Variants in MID2 observed in about 807,000 individuals in gnomAD.
The protein encoded by MID2 is midline 2, also known as probable E3 ubiquitin-protein ligase MID2.
A neutral mutation model predicts 46.1 loss-of-function variants in MID2; 13 were observed. The observed-to-expected ratio is 0.28, with a 90% confidence interval of 0.18 to 0.45. The LOEUF is 0.45. Ranked by LOEUF, MID2 falls within the 20% of genes least tolerant of loss-of-function variation. The pLI, the probability that MID2 is intolerant of heterozygous loss-of-function variation, is 1.00. For missense variants in MID2, 431 were observed against 575.4 expected, an observed-to-expected ratio of 0.75 and a Z score of 2.57; for synonymous variants, 199 against 212.3, an observed-to-expected ratio of 0.94 and a Z score of 0.55.
chrX:107,859,105 T>C (rs926015202), intron 3 of MID2, among the ~76,000 whole-genome samples: 1 of 111,969 alleles, frequency 8.9e-6, no homozygotes, highest in Non-Finnish European at 1.9e-5. Context: ...TTTCTGCTCG[T>C]ATTGCCCATT....
rs764855512 is a variant in MID2 at position 107,911,274 on chromosome X, T to TG, written c.1074-4728_1074-4727insG. Among the ~76,000 whole-genome samples, 3 of 111,795 alleles carry TG rather than the reference T, an allele frequency of 2.7e-5. No individual in the cohort carries two copies. In the East Asian group the frequency reaches 8.5e-4, roughly 32 times the overall value. ...ATTATTTGCTAATAATTTCCTCCCC[T>TG]TTATTCTTTCTCTTCTTTGTTTATG... is the stretch of plus-strand genomic sequence containing the variant. On this transcript the variant is annotated intron_variant, in intron 5 of 9. Transcript: ENST00000262843.
chrX:107,853,803 A>G (rs1240534466), intron 2 of MID2, among the ~76,000 whole-genome samples: 1 of 111,891 alleles, frequency 8.9e-6, no homozygotes, highest in Non-Finnish European at 1.9e-5. Flanking sequence ...GTCATGGAAT[A>G]CTGCAGCAAA....
chrX:107,909,856 G>A (rs1932870103), intron 5 of MID2, among the ~76,000 whole-genome samples: 1 of 111,878 alleles, frequency 8.9e-6, no homozygotes, highest in African/African-American at 3.2e-5. Context: ...TTAAAATCCA[G>A]AAGCTTAAAC....
At chrX:107,871,726 A>G (rs5962906) in intron 3 of MID2, among the ~76,000 whole-genome samples, 32,979 of 109,906 alleles carry the variant, frequency 0.3, 6,904 homozygotes, top group African/African-American at 0.75. Flanking sequence ...AGCTGTCCCC[A>G]GCTGGACTCC....
chrX:107,826,132 G>C lies in MID2; in HGVS notation c.-295G>C. The C allele has an allele frequency of 3.4e-6, 1 of 297,301 alleles. No individual in the cohort carries two copies. Among genetic ancestry groups the C allele is most frequent in the Non-Finnish European group, 5.9e-6 (1 of 170,235 alleles). 24.5% of individuals were successfully genotyped at this position (297,301 alleles called of 1,213,427 possible). A position where few individuals can be genotyped will look rare whatever the true frequency, so the allele number is the denominator to read the frequency against. On this transcript the variant is annotated 5_prime_UTR_variant, in exon 1 of 10. Coordinates refer to ENST00000262843, the MANE Select transcript of MID2 (RefSeq NM_012216.4). ...CCGTGGTGTCATGGTGCTGCCCCTG[G>C]ACTGAGGGGCGAAAACTCTTAAGTT...
rs1287408911 is a variant in MID2, at chrX:107,929,303, AT to A, written c.*2237del. ...CCAAATTCTTAAACAAAAAAAAATGATTTTTTTCCCCTTCATCAAACTTTTC... is the reference window on the plus strand; with the variant it reads ...CCAAATTCTTAAACAAAAAAAAATGATTTTTTCCCCTTCATCAAACTTTTC... On this transcript the variant is annotated 3_prime_UTR_variant, in exon 10 of 10. Coordinates refer to ENST00000262843, the MANE Select transcript of MID2 (RefSeq NM_012216.4). 1.8e-5 allele frequency among the ~76,000 whole-genome samples: 2 copies of A among 110,334 alleles called. No homozygotes were observed. Among genetic ancestry groups the A allele is most frequent in the Non-Finnish European group, 3.8e-5 (2 of 52,627 alleles).
At chrX:107,886,521 T>A (rs1208689697) in intron 3 of MID2, among the ~76,000 whole-genome samples, 7 of 112,262 alleles carry the variant, frequency 6.2e-5, no homozygotes, top group Non-Finnish European at 1.3e-4. Context: ...TTTTGGTTAC[T>A]GTAGCCTTGT....
intron 3 of MID2, among the ~76,000 whole-genome samples, chrX:107,890,689 T>G (rs1441865600): frequency 1.8e-5 from 2 of 111,873 alleles, no homozygotes; most frequent in Admixed American, 9.4e-5. Flanking sequence ...CTGCTGCCTT[T>G]TGTTTGGCTA....
chrX:107,851,877 T>C lies in MID2; in HGVS notation c.721-2732T>C, dbSNP rs1199067133. 5.6e-5 allele frequency among the ~76,000 whole-genome samples: 6 copies of C among 107,556 alleles called. No individual in the cohort carries two copies. The East Asian group carries it at 1.7e-3, about 31-fold the overall frequency. The allele number at this position is 107,556 out of a possible 115,157, so 93.4% of individuals were successfully genotyped here. On this transcript the variant is annotated intron_variant, in intron 2 of 9. Transcript: ENST00000262843. ...ACTTTTTATTTATTTATTTATTTATTTATTTATTTATTTATTTATTTATTA... is the reference window on the plus strand; with the variant it reads ...ACTTTTTATTTATTTATTTATTTATCTATTTATTTATTTATTTATTTATTA...
rs910726100 is a variant in MID2 at position 107,927,293 on chromosome X, C to T, written c.*220C>T. The T allele has an allele frequency of 3.2e-5, 10 of 311,780 alleles. No individual in the cohort carries two copies. The highest frequency in any genetic ancestry group is 1.1e-4 in the Admixed American group (2 of 17,748). 25.7% of individuals were successfully genotyped at this position (311,780 alleles called of 1,213,427 possible). ...TTATCTGAGTAGTCTGCGTTCAAGC[C>T]ATTGGAGAAAAATTTAGAAAATGCC... On this transcript the variant is annotated 3_prime_UTR_variant, in exon 10 of 10. Coordinates refer to ENST00000262843, the MANE Select transcript of MID2 (RefSeq NM_012216.4).
chrX:107,854,394 T>A (rs946536831), intron 2 of MID2, among the ~76,000 whole-genome samples: 1 of 112,559 alleles, frequency 8.9e-6, no homozygotes, highest in Non-Finnish European at 1.9e-5. Flanking sequence ...ATCCACAAAG[T>A]CATGAATGTC....
rs1933231191 is a variant in MID2 at position 107,928,699 on chromosome X, C to G, written c.*1626C>G. On this transcript the variant is annotated 3_prime_UTR_variant, in exon 10 of 10. Coordinates refer to ENST00000262843, the MANE Select transcript of MID2 (RefSeq NM_012216.4). ...GGAGTGCACATATTAACAAAATGCT[C>G]TACCTGCTGCCAAATGGCTTACTAT... Among the ~76,000 whole-genome samples, 1 of 111,566 alleles carries G rather than the reference C, an allele frequency of 9.0e-6. No homozygotes were observed. Among genetic ancestry groups the G allele is most frequent in the African/African-American group, 3.3e-5 (1 of 30,695 alleles).
At chrX:107,918,437 T>C (rs1237861092) in intron 7 of MID2, among the ~76,000 whole-genome samples, 1 of 111,517 alleles carries the variant, frequency 9.0e-6, no homozygotes, top group Non-Finnish European at 1.9e-5. Flanking sequence ...TAAAATAACA[T>C]CTCCATAGCT....
chrX:107,841,348 A>G lies in MID2; in HGVS notation c.683A>G (p.Gln228Arg). 1 of 1,205,133 alleles carries G rather than the reference A, an allele frequency of 8.3e-7. No individual in the cohort carries two copies. The highest frequency in any genetic ancestry group is 1.1e-6 in the Non-Finnish European group (1 of 891,336). The change falls in exon 2 of 10, where the codon CAG (glutamine) becomes CGG (arginine). Residue 228 changes from glutamine to arginine, a missense_variant. Transcript: ENST00000262843. ...CKLVGRHRDHQVASLNDRFEK... is the reference protein window; with the variant it reads ...CKLVGRHRDHRVASLNDRFEK... ...CTGGTGGGTCGTCACCGAGACCATC[A>G]GGTCGCATCCCTGAATGATCGATTT...
rs147765700 is a variant in MID2 at position 107,901,864 on chromosome X, C to T, written c.817-2094C>T. On this transcript the variant is annotated intron_variant, in intron 3 of 9. Coordinates refer to ENST00000262843, the MANE Select transcript of MID2 (RefSeq NM_012216.4). ...GTAAAATGACAATCTCGGGCAAAGG[C>T]ACAGGACATGAAAGTGCATGGCATT... is the stretch of plus-strand genomic sequence containing the variant. 3.0e-3 allele frequency among the ~76,000 whole-genome samples: 330 copies of T among 111,432 alleles called. 2 individuals are homozygous for T. The highest frequency in any genetic ancestry group is 0.01 in the African/African-American group (310 of 30,739).
intron 3 of MID2, among the ~76,000 whole-genome samples, chrX:107,878,512 A>G (rs1356832166): frequency 5.3e-5 from 6 of 112,779 alleles, no homozygotes; most frequent in Middle Eastern, 9.2e-3. Context: ...ACATTATAAA[A>G]GAAGCAATAG....
intron 4 of MID2, 94 bp from the exon 5 acceptor site, chrX:107,905,384 C>A: frequency 1.4e-6 from 1 of 703,994 alleles, no homozygotes; most frequent in East Asian, 3.3e-5. Context: ...TTTTTAGAAT[C>A]ACTGCAGCAT....
At chrX:107,913,193 A>G (rs1213204455) in intron 5 of MID2, among the ~76,000 whole-genome samples, 8 of 111,981 alleles carry the variant, frequency 7.1e-5, no homozygotes, top group African/African-American at 9.7e-5. Context: ...TGCTATATAT[A>G]CTATATTATA....
rs796816991 is a variant in MID2 at position 107,855,304 on chromosome X, A to G, written c.816+600A>G. ...AAGTGCTGTAAAGTGTGAGGTTTTA[A>G]TCAATTGTCATCTACATCAAATCTT... On this transcript the variant is annotated intron_variant, in intron 3 of 9. Coordinates refer to ENST00000262843, the MANE Select transcript of MID2 (RefSeq NM_012216.4). Among the ~76,000 whole-genome samples, 7 of 111,920 alleles carry G rather than the reference A, an allele frequency of 6.3e-5. No homozygotes were observed. The South Asian group carries it at 2.6e-3, about 42-fold the overall frequency.
Sources: allele counts gnomAD v4.1 joint callset (sites outside exome capture counted in the v4.1 genomes callset), GRCh38; gene constraint gnomAD v4.1.1; transcripts MANE v1.5; gene names NCBI Gene and HGNC (gene_info 2026-07-23, HGNC 2026-07-21).